The following RAB37 variants were observed in gnomAD, a reference collection of about 807,000 sequenced individuals.
RAB37 encodes RAB37, member RAS oncogene family.
In RAB37, 29 loss-of-function variants were observed where a neutral mutation model predicts 33.1. That is an observed-to-expected ratio of 0.88 (90% CI 0.65 to 1.20). The LOEUF (loss-of-function observed/expected upper bound fraction) is 1.20, where lower values mean the gene tolerates loss of function less well. RAB37 is among the 50% of genes most tolerant of loss of function. The pLI is 0.00. For synonymous variants in RAB37, 128 were observed against 119.5 expected (o/e 1.07, Z -0.47); for missense variants, 299 against 301.1 (o/e 0.99, Z 0.05).
At chr17:74,690,372 G>A (rs946757590) in intron 1 of RAB37, among the ~76,000 whole-genome samples, 3 of 152,082 alleles carry the variant, frequency 2.0e-5, no homozygotes, top group African/African-American at 2.4e-5. Context: ...AAATCTTGGA[G>A]TTTGTTTTAA....
chr17:74,745,119 C>T lies in RAB37; in HGVS notation c.566+35C>T. ...GGGCAGGGAAGGGAAGTGTGCGGGG[C>T]AGGGCGGCACACTCCAGGAATCCAG... On this transcript the variant is annotated intron_variant, in intron 8 of 8. Transcript: ENST00000392613. The surrounding 1 kb of genome is among the most constrained non-coding windows in gnomAD (Gnocchi z 4.5). 1.2e-6 allele frequency: 2 copies of T among 1,608,574 alleles called. No homozygotes were observed. Among genetic ancestry groups the T allele is most frequent in the Non-Finnish European group, 1.7e-6 (2 of 1,175,490 alleles).
intron 1 of RAB37, among the ~76,000 whole-genome samples, chr17:74,680,391 G>C (rs2031928906): frequency 6.6e-6 from 1 of 152,114 alleles, no homozygotes; most frequent in Non-Finnish European, 1.5e-5. Flanking sequence ...TCTCCAGTCA[G>C]GCTGATGTTA....
intron 1 of RAB37, among the ~76,000 whole-genome samples, chr17:74,673,719 T>A (rs2031758062): frequency 6.6e-6 from 1 of 152,134 alleles, no homozygotes; most frequent in Admixed American, 6.6e-5. Flanking sequence ...TCCAACATAT[T>A]TAAAGGCAAG....
At chr17:74,677,004 G>A (rs2031848757) in intron 1 of RAB37, among the ~76,000 whole-genome samples, 1 of 151,928 alleles carries the variant, frequency 6.6e-6, no homozygotes, top group African/African-American at 2.4e-5. Flanking sequence ...ACAAAAATTA[G>A]TCAGCCGTGG....
intron 2 of RAB37, among the ~76,000 whole-genome samples, chr17:74,731,147 C>T (rs1320317942): frequency 6.6e-6 from 1 of 152,242 alleles, no homozygotes; most frequent in Non-Finnish European, 1.5e-5. Context: ...TCGGGGTCTC[C>T]TCCAGATATC....
chr17:74,681,240 C>T (rs911213247), intron 1 of RAB37, among the ~76,000 whole-genome samples: 1 of 152,204 alleles, frequency 6.6e-6, no homozygotes, highest in South Asian at 2.1e-4. Flanking sequence ...GGGACCAGGT[C>T]AAAAGCTTGC....
chr17:74,701,837 G>C (rs1273821948), intron 1 of RAB37, among the ~76,000 whole-genome samples: 1 of 137,914 alleles, frequency 7.3e-6, no homozygotes, highest in Non-Finnish European at 1.5e-5. Context: ...GCAACAGAGT[G>C]AGAATCCGTC....
At position 74,704,883 on chromosome 17, in the gene RAB37, G is replaced by A. The variant is rs2033385507; in HGVS notation, c.73-24373G>A. On this transcript the variant is annotated intron_variant, in intron 1 of 7. Coordinates refer to the RAB37 transcript ENST00000340415. ...GGGCAGGGCCACAGCTTTCTGTTTA[G>A]GGAATAGCTCCCAAATCCAAGTTTC... 30 of 1,261,658 alleles carry A rather than the reference G, an allele frequency of 2.4e-5. No homozygotes were observed. In the South Asian group the frequency reaches 3.9e-4, roughly 16 times the overall value. 78.2% of individuals were successfully genotyped at this position (1,261,658 alleles called of 1,614,324 possible). A position where few individuals can be genotyped will look rare whatever the true frequency, so the allele number is the denominator to read the frequency against.
intron 1 of RAB37, among the ~76,000 whole-genome samples, chr17:74,726,848 T>G (rs2144023413): frequency 6.6e-6 from 1 of 152,332 alleles, no homozygotes; most frequent in South Asian, 2.1e-4. Context: ...CAAGTCCAGC[T>G]AAAGTTTGCA....
At chr17:74,677,431 A>C (rs947958748) in intron 1 of RAB37, 1 of 152,180 alleles carries the variant, frequency 6.6e-6, no homozygotes, top group African/African-American at 2.4e-5. Context: ...GATAATGATA[A>C]TGGTATGCAA....
chr17:74,745,464 C>T lies in RAB37; in HGVS notation c.*53C>T. On this transcript the variant is annotated 3_prime_UTR_variant, in exon 9 of 9. Transcript: ENST00000392613. This position sits in a 1 kb window ranked among gnomAD's most constrained non-coding sequence, Gnocchi z 4.5. ...GAGGCACACAGGATGCAGCCTTCCC[C>T]CTCCCAGGCCTGGCTTATTCCAAGA... is the stretch of plus-strand genomic sequence containing the variant. The T allele has an allele frequency of 7.0e-7, 1 of 1,434,794 alleles. No individual in the cohort carries two copies. The highest frequency in any genetic ancestry group is 9.8e-7 in the Non-Finnish European group (1 of 1,018,536). The allele number at this position is 1,434,794 out of a possible 1,614,324, so 88.9% of individuals were successfully genotyped here.
At chr17:74,698,330 C>A (rs776704853) in intron 1 of RAB37, 2 of 1,425,934 alleles carry the variant, frequency 1.4e-6, no homozygotes, top group Non-Finnish European at 2.0e-6. Flanking sequence ...CCCAGCCACC[C>A]GGCCCAGTCT....
At chr17:74,704,551 A>G in intron 1 of RAB37, 2 of 1,614,200 alleles carry the variant, frequency 1.2e-6, no homozygotes, top group Non-Finnish European at 1.7e-6. Flanking sequence ...AGTAAGTGTC[A>G]GCATCAGTTT....
chr17:74,745,668 C>CA lies in RAB37; in HGVS notation c.*263dup. ...ATACCAAAAAAGGCGCCTGGATCCC[C>CA]AAAAAACCGAGGCTGGGAGCTAGTG... On this transcript the variant is annotated 3_prime_UTR_variant, in exon 9 of 9. Coordinates refer to ENST00000392613, the MANE Select transcript of RAB37 (RefSeq NM_001006638.3). This position sits in a 1 kb window ranked among gnomAD's most constrained non-coding sequence, Gnocchi z 4.5. 5.2e-6 allele frequency: 2 copies of CA among 384,928 alleles called. No homozygotes were observed. The highest frequency in any genetic ancestry group is 9.4e-6 in the Non-Finnish European group (2 of 213,622). 23.8% of individuals were successfully genotyped at this position (384,928 alleles called of 1,614,324 possible).
rs759899243 is a variant in RAB37 at position 74,691,888 on chromosome 17, CGG to C, written c.72+20231_72+20232del. Among the ~76,000 whole-genome samples, 480 of 142,458 alleles carry C rather than the reference CGG, an allele frequency of 3.4e-3. 2 individuals carry two copies. Among genetic ancestry groups the C allele is most frequent in the South Asian group, 9.2e-3 (41 of 4,440 alleles). The allele number at this position is 142,458 out of a possible 152,430, so 93.5% of individuals were successfully genotyped here. On this transcript the variant is annotated intron_variant, in intron 1 of 7. Transcript: ENST00000340415. ...GCCATTTTTTTTTTTTTTTTTGAGA[CGG>C]AGTCTTGCTCTGTCACCCAGGCTGG...
At position 74,711,882 on chromosome 17, in the gene RAB37, CT is replaced by C. The variant is rs368059740; in HGVS notation, c.73-17365del. Among the ~76,000 whole-genome samples the C allele has an allele frequency of 1.2e-3, 183 of 147,822 alleles. 2 individuals are homozygous for C. The highest frequency in any genetic ancestry group is 2.0e-3 in the Admixed American group (30 of 14,748). On this transcript the variant is annotated intron_variant, in intron 1 of 7. Coordinates refer to the RAB37 transcript ENST00000340415. ...TTGAAATTATTTTTTTGTTTTCTTTCTTTTTTTTTCTTTTTTCTTTTTTCTT... is the reference window on the plus strand; with the variant it reads ...TTGAAATTATTTTTTTGTTTTCTTTCTTTTTTTTCTTTTTTCTTTTTTCTT...
chr17:74,745,374 C>T lies in RAB37; in HGVS notation c.635C>T (p.Ser212Phe), dbSNP rs1180452795. The T allele has an allele frequency of 5.6e-6, 9 of 1,614,120 alleles. No individual in the cohort carries two copies. Among genetic ancestry groups the T allele is most frequent in the Non-Finnish European group, 6.8e-6 (8 of 1,180,012 alleles). Residue 212 changes from serine (S) to phenylalanine (F), a missense_variant, in exon 9 of 9, where the codon TCC (serine) becomes TTC (phenylalanine). Physicochemically the swap from Ser to Phe is radical, Grantham distance 155. Coordinates refer to ENST00000392613, the MANE Select transcript of RAB37 (RefSeq NM_001006638.3). The surrounding 1 kb of genome is among the most constrained non-coding windows in gnomAD (Gnocchi z 4.5). Reference sequence around the variant, plus strand: ...TTCCAGATCCGAGACTATGTAGAGTCCCAGAAGAAGCGCTCCAGCTGCTGC... The same window carrying T: ...TTCCAGATCCGAGACTATGTAGAGTTCCAGAAGAAGCGCTCCAGCTGCTGC... ...PSFQIRDYVE[S>F]QKKRSSCCSF...
intron 1 of RAB37, among the ~76,000 whole-genome samples, chr17:74,681,703 C>T (rs1056453146): frequency 2.6e-5 from 4 of 152,228 alleles, no homozygotes; most frequent in African/African-American, 9.6e-5. Context: ...ACAGCAGGCA[C>T]ATGAGAACCA....
At chr17:74,678,231 G>A (rs1249394531) in intron 1 of RAB37, among the ~76,000 whole-genome samples, 3 of 152,130 alleles carry the variant, frequency 2.0e-5, no homozygotes, top group Non-Finnish European at 4.4e-5. Flanking sequence ...AGTGGCCCTG[G>A]ACATCCTCCT....
Sources: allele counts gnomAD v4.1 joint callset (sites outside exome capture counted in the v4.1 genomes callset), GRCh38; gene constraint gnomAD v4.1.1; non-coding constraint Gnocchi (gnomAD v3.1); transcripts MANE v1.5; gene names NCBI Gene and HGNC (gene_info 2026-07-23, HGNC 2026-07-21).